Variants in ATXN7L3 observed in about 807,000 individuals in gnomAD.
ATXN7L3 encodes the protein ataxin 7 like 3.
ATXN7L3 carries 6 observed loss-of-function variants against 50.0 expected under a neutral mutation model. The observed-to-expected ratio is 0.12, with a 90% CI of 0.07 to 0.24. The LOEUF is 0.24. Ranked by LOEUF, ATXN7L3 falls within the 10% of genes least tolerant of loss-of-function variation. ATXN7L3 has a pLI of 1.00. For synonymous variants in ATXN7L3, 198 were observed against 165.8 expected (o/e 1.19, Z -1.49); for missense variants, 322 against 451.3 (o/e 0.71, Z 2.60).
At chr17:44,195,869 G>C in intron 7 of ATXN7L3, 41 bp from the exon 8 acceptor site, 1 of 1,597,130 alleles carries the variant, frequency 6.3e-7, no homozygotes, top group Non-Finnish European at 8.5e-7. Flanking sequence ...TTGATGCAGA[G>C]GTACAGACAG....
intron 5 of ATXN7L3, 149 bp downstream of exon 5, chr17:44,196,777 CAAA>C (rs34885873): frequency 0.01 from 2,380 of 234,148 alleles, no homozygotes; most frequent in Non-Finnish European, 0.011. Context: ...GAATCCATCT[CAAA>C]AAAAAAAAAA....
chr17:44,198,451 G>C (rs1386710909), intron 1 of ATXN7L3: 1 of 208,368 alleles, frequency 4.8e-6, no homozygotes, highest in Non-Finnish European at 9.5e-6. Flanking sequence ...GGGAGGAGAA[G>C]GAACTCCAAG....
intron 10 of ATXN7L3, 86 bp downstream of exon 10, chr17:44,195,011 T>A (rs1023459138): frequency 1.3e-6 from 2 of 1,533,582 alleles, no homozygotes; most frequent in Non-Finnish European, 9.0e-7. Flanking sequence ...AGGAGCCCCA[T>A]TGCTCAAGTC....
chr17:44,193,511 G>A lies in ATXN7L3; in HGVS notation c.*752C>T, dbSNP rs1432921589. On this transcript the variant is annotated 3_prime_UTR_variant, in exon 13 of 13. Transcript: ENST00000587097. Reference sequence around the variant, plus strand: ...GGTCAGGGAGGAGAGGCAGGGGGAGGAATTCTGACACTTCTCCCTCTTCCT... The same window carrying A: ...GGTCAGGGAGGAGAGGCAGGGGGAGAAATTCTGACACTTCTCCCTCTTCCT... The A allele has an allele frequency of 1.3e-5, 2 of 152,638 alleles. No homozygotes were observed. Among genetic ancestry groups the A allele is most frequent in the Non-Finnish European group, 2.9e-5 (2 of 68,112 alleles). 9.5% of individuals were successfully genotyped at this position (152,638 alleles called of 1,614,324 possible).
chr17:44,197,880 G>C, intron 2 of ATXN7L3, 140 bp downstream of exon 2: 10 of 1,516,988 alleles, frequency 6.6e-6, no homozygotes, highest in Non-Finnish European at 9.1e-6. Context: ...CTTCTTCCTG[G>C]ATCCTTGGCT....
rs1399681512 is a variant in ATXN7L3 at position 44,197,708 on chromosome 17, G to A, written c.74C>T (p.Ala25Val). 3 of 1,614,272 alleles carry A rather than the reference G, an allele frequency of 1.9e-6. No individual in the cohort carries two copies. The highest frequency in any genetic ancestry group is 1.3e-5 in the African/African-American group (1 of 75,068). ...CAAACAAGAATCCTCGACCAGGTCC[G>A]CGTATATCTCCTGAGCGATGGCCTG... The part of the protein sequence containing the change: ...KLEAIAQEIY[A>V]DLVEDSCLGF... Residue 25 changes from alanine (A) to valine (V), a missense_variant, in exon 3 of 13, where the codon GCG (alanine) becomes GTG (valine). Ala to Val is a moderately conservative substitution (Grantham distance 64). Around this residue, in one of 5 missense-constraint regions of ATXN7L3, gnomAD observed 33 missense variants for 35.1 expected, o/e 0.94. Coordinates refer to ENST00000587097, the MANE Select transcript of ATXN7L3 (RefSeq NM_001382309.1).
At chr17:44,195,557 A>G (rs2055854775) in intron 8 of ATXN7L3, 70 bp from the exon 9 acceptor site, 2 of 1,480,150 alleles carry the variant, frequency 1.4e-6, no homozygotes, top group African/African-American at 2.8e-5. Flanking sequence ...TGGAAGTGAG[A>G]ATCAGTCCCT....
chr17:44,197,190 C>A (rs751417078), intron 4 of ATXN7L3, 38 bp downstream of exon 4: 3 of 1,575,274 alleles, frequency 1.9e-6, no homozygotes, highest in Non-Finnish European at 2.6e-6. Context: ...TACACCATGG[C>A]ACAGGCTGCA....
intron 6 of ATXN7L3, 142 bp downstream of exon 6, chr17:44,196,254 C>T (rs2055886730): frequency 5.8e-6 from 5 of 861,658 alleles, no homozygotes; most frequent in Non-Finnish European, 9.1e-6. Flanking sequence ...CACCCACACT[C>T]CCCCGCCCCG....
In ATXN7L3 at chr17:44,191,883, C is replaced by A. The variant is rs2055658917; in HGVS notation, c.*2380G>T. On this transcript the variant is annotated 3_prime_UTR_variant, in exon 13 of 13. Transcript: ENST00000587097. The stretch of plus-strand genomic sequence containing the variant: ...TACACAGCGTTTACAAAGTTAGCTA[C>A]CTGTACAGAATGGATTACATATGCA... 7 of 295,788 alleles carry A rather than the reference C, an allele frequency of 2.4e-5. No homozygotes were observed. The highest frequency in any genetic ancestry group is 1.5e-5 in the Non-Finnish European group (3 of 199,620). 18.3% of individuals were successfully genotyped at this position (295,788 alleles called of 1,614,324 possible).
intron 5 of ATXN7L3, 36 bp from the exon 6 acceptor site, chr17:44,196,454 G>A (rs775541628): frequency 1.4e-5 from 22 of 1,613,578 alleles, no homozygotes; most frequent in East Asian, 4.5e-5. Context: ...CAGGGTTTCC[G>A]TTAAGTTCTC....
At chr17:44,199,371 G>T (rs991249160) in intron 1 of ATXN7L3, 125 bp downstream of exon 1, 2 of 150,898 alleles carry the variant, frequency 1.3e-5, no homozygotes, top group South Asian at 2.1e-4. Context: ...CGTCGGCCCG[G>T]GGGGAGGGGA....
intron 1 of ATXN7L3, chr17:44,198,376 A>T: frequency 2.6e-6 from 1 of 378,068 alleles, no homozygotes; most frequent in Non-Finnish European, 4.7e-6. Flanking sequence ...TATAGGAGGC[A>T]GCAGCTCACC....
chr17:44,195,947 C>T, intron 7 of ATXN7L3, 87 bp downstream of exon 7: 1 of 1,563,504 alleles, frequency 6.4e-7, no homozygotes. Flanking sequence ...CCTCAATTCC[C>T]CTATCCCCGG....
In ATXN7L3 at chr17:44,194,797, G is replaced by T; in HGVS notation, c.708C>A (p.Thr236=). 2 of 1,614,172 alleles carry T rather than the reference G, an allele frequency of 1.2e-6. No homozygotes were observed. Among genetic ancestry groups the T allele is most frequent in the African/African-American group, 1.3e-5 (1 of 75,046 alleles). The change falls in exon 11 of 13, where the codon ACC becomes ACA. Residue 236 remains threonine, a synonymous_variant. Coordinates refer to ENST00000587097, the MANE Select transcript of ATXN7L3 (RefSeq NM_001382309.1). ...AGGGCCCGAGAAAATAAATCCGTAC[G>T]GTTCGCCTCTGCTCATCTGTGTGCT... ...CPQHTDEQRR[T]VRIYFLGPSA... is the part of the protein sequence containing the mutation.
chr17:44,194,337 G>C lies in ATXN7L3; in HGVS notation c.970C>G (p.Leu324Val), dbSNP rs762327636. 5 of 1,614,192 alleles carry C rather than the reference G, an allele frequency of 3.1e-6. No homozygotes were observed. Among genetic ancestry groups the C allele is most frequent in the Non-Finnish European group, 3.4e-6 (4 of 1,180,028 alleles). ...HLSLVGTASG[L>V]GSNKKKKPKP... ...GGCTTCTTCTTCTTGTTGGAACCTA[G>C]GCCGGAGGCAGTCCCTACCAGGCTC... Residue 324 changes from leucine to valine, a missense_variant, in exon 13 of 13, where the codon CTA (leucine) becomes GTA (valine). By Grantham distance (32) the Leu-to-Val change is conservative. Around this residue, in one of 5 missense-constraint regions of ATXN7L3, gnomAD observed 122 missense variants for 130.8 expected, o/e 0.93. Coordinates refer to ENST00000587097, the MANE Select transcript of ATXN7L3 (RefSeq NM_001382309.1).
intron 1 of ATXN7L3, chr17:44,198,569 G>A (rs564633073): frequency 1.3e-5 from 2 of 154,764 alleles, no homozygotes; most frequent in Non-Finnish European, 2.9e-5. Context: ...TTTCAGCCAG[G>A]ATGTCCACTT....
Position 44,192,923 on chromosome 17 carries a change from A to G in ATXN7L3, c.*1340T>C, listed in dbSNP as rs8079310. The G allele has an allele frequency of 0.5, 75,933 of 152,150 alleles. 23,651 individuals carry two copies. Among genetic ancestry groups the G allele is most frequent in the African/African-American group, 0.87 (36,160 of 41,494 alleles). 9.4% of individuals were successfully genotyped at this position (152,150 alleles called of 1,614,324 possible). ...ACTTGGCTCAGGGTCACCTCCACCC[A>G]TGTCAGTCAGCTCTGCTCCCAGCCC... On this transcript the variant is annotated 3_prime_UTR_variant, in exon 13 of 13. Coordinates refer to ENST00000587097, the MANE Select transcript of ATXN7L3 (RefSeq NM_001382309.1).
chr17:44,194,711 T>G (rs548627318), intron 11 of ATXN7L3, 37 bp from the exon 12 acceptor site: 1 of 1,613,536 alleles, frequency 6.2e-7, no homozygotes, highest in African/African-American at 1.3e-5. Context: ...GCTTTAGAGA[T>G]AGTGATCATC....
Sources: gnomAD v4.1 joint callset for allele counts on GRCh38, gnomAD v4.1.1 for gene constraint, gnomAD v4.1.1 regional missense constraint, MANE v1.5 for transcripts, NCBI Gene and HGNC (gene_info 2026-07-23, HGNC 2026-07-21) for gene names.